Variants in STK33 observed in about 807,000 individuals in gnomAD.
STK33 encodes serine/threonine-protein kinase 33.
STK33 carries 52 observed loss-of-function variants against 58.0 expected under a neutral mutation model. That is an observed-to-expected ratio of 0.90 (90% CI 0.72 to 1.13). The LOEUF (loss-of-function observed/expected upper bound fraction) is 1.13. Among genes scored for constraint, STK33 ranks in the 50% most tolerant of loss-of-function variants. STK33 has a pLI of 0.00. For synonymous variants in STK33, 215 were observed against 200.1 expected, an observed-to-expected ratio of 1.07 and a Z score of -0.63; for missense variants, 630 against 604.2, an observed-to-expected ratio of 1.04 and a Z score of -0.45.
chr11:8,522,844 C>G (rs1029104840), intron 1 of STK33, among the ~76,000 whole-genome samples: 1 of 152,162 alleles, frequency 6.6e-6, no homozygotes, highest in Non-Finnish European at 1.5e-5. Context: ...GATGCCCAGC[C>G]GAGGCTGGAC....
chr11:8,340,865 G>T, the STK33 span, among the ~76,000 whole-genome samples: 773 of 152,218 alleles, frequency 5.1e-3, 1 homozygote, highest in South Asian at 0.019. Context: ...TTTTGTTTTG[G>T]TTTGTTTTTT....
chr11:8,443,692 T>C (rs991611845), intron 11 of STK33, among the ~76,000 whole-genome samples: 3 of 151,906 alleles, frequency 2.0e-5, no homozygotes, highest in Non-Finnish European at 2.9e-5. Context: ...GTATTCAACT[T>C]AGGAAGTTAT....
chr11:8,543,418 A>G (rs1461214031), intron 1 of STK33, among the ~76,000 whole-genome samples: 1 of 152,250 alleles, frequency 6.6e-6, no homozygotes, highest in East Asian at 1.9e-4. Flanking sequence ...TTTAGAAAAT[A>G]CTCATTGTGG....
chr11:8,518,010 G>A (rs558813898), intron 1 of STK33, among the ~76,000 whole-genome samples: 3 of 152,170 alleles, frequency 2.0e-5, no homozygotes, highest in East Asian at 3.9e-4. Flanking sequence ...GATACTCCTT[G>A]AGAAGAGCAA....
chr11:8,471,407 G>A (rs1272094340), intron 6 of STK33, among the ~76,000 whole-genome samples: 1 of 152,140 alleles, frequency 6.6e-6, no homozygotes, highest in Non-Finnish European at 1.5e-5. Flanking sequence ...AAATGATAAT[G>A]TAGATCTATT....
intron 14 of STK33, among the ~76,000 whole-genome samples, chr11:8,419,852 C>T (rs1941661387): frequency 1.3e-5 from 2 of 151,988 alleles, no homozygotes; most frequent in African/African-American, 4.8e-5. Context: ...ACATAAAAGA[C>T]TTAATGATGG....
chr11:8,498,770 A>G (rs1474723671), intron 1 of STK33, among the ~76,000 whole-genome samples: 1 of 152,226 alleles, frequency 6.6e-6, no homozygotes, highest in Non-Finnish European at 1.5e-5. Context: ...GGCCTCAGAA[A>G]TAACACCACA....
chr11:8,461,492 C>G (rs1214472391), intron 8 of STK33, among the ~76,000 whole-genome samples: 1 of 152,124 alleles, frequency 6.6e-6, no homozygotes, highest in African/African-American at 2.4e-5. Flanking sequence ...AACTAAGGAT[C>G]AAAGCAAAAG....
At chr11:8,472,268 G>A (rs78036448) in intron 6 of STK33, among the ~76,000 whole-genome samples, 67,826 of 151,638 alleles carry the variant, frequency 0.45, 15,512 homozygotes, top group Non-Finnish European at 0.5. Flanking sequence ...GTGTGTGTGT[G>A]TGTCAGAGTT....
intron 1 of STK33, among the ~76,000 whole-genome samples, chr11:8,586,241 C>T (rs1311879197): frequency 6.6e-6 from 1 of 150,528 alleles, no homozygotes; most frequent in African/African-American, 2.4e-5. Context: ...AAAAAAACAC[C>T]TGACTTCAAA....
Position 8,569,982 on chromosome 11 carries a change from C to T in STK33, c.-466+24101G>A, listed in dbSNP as rs191937203. ...AAATAAATAGATAAATAAAAGAAAA[C>T]GAATAGGCAAGCCACGGACTGGGAG... is the stretch of plus-strand genomic sequence containing the variant. On this transcript the variant is annotated intron_variant, in intron 1 of 15. Transcript: ENST00000687296. 4.1e-3 allele frequency among the ~76,000 whole-genome samples: 620 copies of T among 151,838 alleles called. 3 individuals are homozygous for T. The highest frequency in any genetic ancestry group is 0.014 in the African/African-American group (592 of 41,436).
At chr11:8,583,016 T>A (rs1591903613) in intron 1 of STK33, among the ~76,000 whole-genome samples, 1 of 152,224 alleles carries the variant, frequency 6.6e-6, no homozygotes, top group Admixed American at 6.5e-5. Context: ...TGGGAACCCA[T>A]TCCTTAATTT....
chr11:8,375,412 A>G, the STK33 span, among the ~76,000 whole-genome samples: 5 of 152,220 alleles, frequency 3.3e-5, no homozygotes, highest in African/African-American at 1.2e-4. Context: ...ACAGAAAGAA[A>G]CTTATTATTG....
chr11:8,577,509 C>A (rs889076978), intron 1 of STK33, among the ~76,000 whole-genome samples: 6 of 151,882 alleles, frequency 4.0e-5, no homozygotes, highest in African/African-American at 1.2e-4. Flanking sequence ...TTGATTCTGC[C>A]ATGTCACCTT....
At chr11:8,456,932 T>C (rs1206341959) in intron 9 of STK33, among the ~76,000 whole-genome samples, 1 of 152,120 alleles carries the variant, frequency 6.6e-6, no homozygotes, top group African/African-American at 2.4e-5. Context: ...GGGGAGTATA[T>C]AGAAAATCTC....
intron 11 of STK33, among the ~76,000 whole-genome samples, chr11:8,448,493 T>G (rs1308711300): frequency 6.6e-6 from 1 of 152,144 alleles, no homozygotes; most frequent in East Asian, 1.9e-4. Flanking sequence ...TCTACAACCA[T>G]CTGATCTTTG....
At chr11:8,345,634 G>T in the STK33 span, among the ~76,000 whole-genome samples, 1 of 152,214 alleles carries the variant, frequency 6.6e-6, no homozygotes, top group African/African-American at 2.4e-5. Flanking sequence ...TTACCTGTGT[G>T]GGGGACAGGC....
chr11:8,580,130 A>G (rs1025749772), intron 1 of STK33, among the ~76,000 whole-genome samples: 11 of 152,210 alleles, frequency 7.2e-5, no homozygotes, highest in Admixed American at 3.3e-4. Flanking sequence ...TACACAAAAG[A>G]AAGGAAATCA....
chr11:8,393,262 A>G (rs1848824591), intron 15 of STK33, among the ~76,000 whole-genome samples: 1 of 152,220 alleles, frequency 6.6e-6, no homozygotes, highest in Non-Finnish European at 1.5e-5. Flanking sequence ...GAAGCAAATA[A>G]TATTTGCACA....
Sources: allele counts gnomAD v4.1 joint callset (sites outside exome capture counted in the v4.1 genomes callset), GRCh38; gene constraint gnomAD v4.1.1; transcripts MANE v1.5; gene names NCBI Gene and HGNC (gene_info 2026-07-23, HGNC 2026-07-21).